The following WWOX variants were observed in gnomAD, a reference collection of about 807,000 sequenced individuals.
The protein encoded by WWOX is WW domain containing oxidoreductase.
In WWOX, 69 loss-of-function variants were observed where a neutral mutation model predicts 46.2. That is an observed-to-expected ratio of 1.49 (90% CI 1.23 to 1.82). WWOX has a LOEUF of 1.82. Among genes scored for constraint, WWOX ranks in the 40% most tolerant of loss-of-function variants. WWOX has a pLI of 0.00. For synonymous variants in WWOX, 359 were observed against 202.6 expected (o/e 1.77, Z -6.56); for missense variants, 919 against 542.6 (o/e 1.69, Z -6.89).
At chr16:78,648,970 C>T (rs2046905989) in intron 8 of WWOX, among the ~76,000 whole-genome samples, 1 of 151,752 alleles carries the variant, frequency 6.6e-6, no homozygotes, top group Non-Finnish European at 1.5e-5. Context: ...AATTAGTTTG[C>T]TTATTTATTT....
chr16:78,949,139 A>G (rs769828625), intron 8 of WWOX, among the ~76,000 whole-genome samples: 9 of 152,280 alleles, frequency 5.9e-5, no homozygotes, highest in Middle Eastern at 3.4e-3. Context: ...AATTCTGCCA[A>G]TAACCTGAAT....
chr16:79,122,641 T>C (rs1388189441), intron 8 of WWOX, among the ~76,000 whole-genome samples: 1 of 152,066 alleles, frequency 6.6e-6, no homozygotes, highest in Non-Finnish European at 1.5e-5. Flanking sequence ...CCCTTCCCTT[T>C]GTTTTCACGC....
At chr16:78,913,946 C>A (rs1447737920) in intron 8 of WWOX, among the ~76,000 whole-genome samples, 2 of 152,026 alleles carry the variant, frequency 1.3e-5, no homozygotes, top group African/African-American at 4.8e-5. Flanking sequence ...TAGACATGAT[C>A]CACTGCACGT....
chr16:79,150,847 C>T (rs75422219), intron 8 of WWOX, among the ~76,000 whole-genome samples: 2,063 of 152,120 alleles, frequency 0.014, 48 homozygotes, highest in African/African-American at 0.047. Flanking sequence ...GAAATCATTG[C>T]GTAGGCCACT....
chr16:78,269,667 A>G (rs2079436353), intron 5 of WWOX, among the ~76,000 whole-genome samples: 2 of 152,180 alleles, frequency 1.3e-5, no homozygotes, highest in Non-Finnish European at 2.9e-5. Flanking sequence ...TTTTGAATCA[A>G]TTTGCTCCTC....
intron 8 of WWOX, among the ~76,000 whole-genome samples, chr16:79,068,141 G>A (rs1389153551): frequency 1.3e-5 from 2 of 152,204 alleles, no homozygotes; most frequent in Non-Finnish European, 1.5e-5. Flanking sequence ...ATTTATGTTA[G>A]TGGAATCTGG....
chr16:78,706,832 T>G (rs1185837354), intron 8 of WWOX, among the ~76,000 whole-genome samples: 1 of 152,118 alleles, frequency 6.6e-6, no homozygotes, highest in African/African-American at 2.4e-5. Context: ...GATCTCACTT[T>G]ATCACCCAGT....
intron 5 of WWOX, among the ~76,000 whole-genome samples, chr16:78,212,357 A>T (rs553170232): frequency 2.0e-5 from 3 of 152,372 alleles, no homozygotes; most frequent in African/African-American, 7.2e-5. Flanking sequence ...GGCCATCCCC[A>T]AATTCAAAAG....
chr16:79,210,065 G>A (rs571548770), intron 8 of WWOX, among the ~76,000 whole-genome samples: 8 of 152,304 alleles, frequency 5.3e-5, no homozygotes, highest in African/African-American at 1.9e-4. Context: ...TTCAGGACCA[G>A]TGGAACTTGT....
intron 8 of WWOX, among the ~76,000 whole-genome samples, chr16:79,183,691 A>G (rs1042469105): frequency 6.6e-6 from 1 of 152,226 alleles, no homozygotes; most frequent in Non-Finnish European, 1.5e-5. Flanking sequence ...GTTTCAGCCC[A>G]TTTAATACCC....
intron 8 of WWOX, among the ~76,000 whole-genome samples, chr16:78,585,533 C>T (rs1445697031): frequency 6.6e-6 from 1 of 152,168 alleles, no homozygotes; most frequent in African/African-American, 2.4e-5. Flanking sequence ...CAGAGGGTCC[C>T]TCGGTATTGT....
At chr16:78,627,292 C>G (rs565666275) in intron 8 of WWOX, among the ~76,000 whole-genome samples, 3 of 152,174 alleles carry the variant, frequency 2.0e-5, no homozygotes, top group African/African-American at 2.4e-5. Context: ...GCCAACTAGT[C>G]TGGTCTTAAA....
At chr16:78,998,970 C>G (rs1297138594) in intron 8 of WWOX, among the ~76,000 whole-genome samples, 1 of 152,178 alleles carries the variant, frequency 6.6e-6, no homozygotes, top group East Asian at 1.9e-4. Context: ...TTGACAGATT[C>G]CAGGAAAGTC....
intron 8 of WWOX, among the ~76,000 whole-genome samples, chr16:78,990,339 C>T (rs1473606705): frequency 6.6e-6 from 1 of 152,148 alleles, no homozygotes; most frequent in African/African-American, 2.4e-5. Flanking sequence ...CAAGATCCTC[C>T]TTGTGCCTTG....
At chr16:78,805,118 A>C (rs2050995158) in intron 8 of WWOX, among the ~76,000 whole-genome samples, 1 of 151,168 alleles carries the variant, frequency 6.6e-6, no homozygotes, top group African/African-American at 2.4e-5. Context: ...TCACTACCAA[A>C]ATATCAAAAT....
At chr16:79,051,969 A>G (rs1217232312) in intron 8 of WWOX, among the ~76,000 whole-genome samples, 2 of 151,952 alleles carry the variant, frequency 1.3e-5, no homozygotes, top group African/African-American at 4.8e-5. Flanking sequence ...CTTTCTCAGC[A>G]TTCCACAAGT....
At chr16:78,401,820 C>G (rs935975536) in intron 6 of WWOX, among the ~76,000 whole-genome samples, 1 of 152,098 alleles carries the variant, frequency 6.6e-6, no homozygotes, top group Non-Finnish European at 1.5e-5. Context: ...CTGCCTCAGC[C>G]TACTGAGTAG....
chr16:78,099,898 C>G lies in WWOX; in HGVS notation c.107+13C>G. 2 of 1,555,094 alleles carry G rather than the reference C, an allele frequency of 1.3e-6. No homozygotes were observed. Among genetic ancestry groups the G allele is most frequent in the Non-Finnish European group, 1.7e-6 (2 of 1,150,098 alleles). ...TTTACTACGCCAAGTAAGGGGGCCG[C>G]AGTGGGGCCGCGGACGCACCTGGGA... On this transcript the variant is annotated intron_variant, in intron 1 of 8. Coordinates refer to ENST00000566780, the MANE Select transcript of WWOX (RefSeq NM_016373.4).
chr16:78,553,566 G>C (rs1223948839), intron 8 of WWOX, among the ~76,000 whole-genome samples: 1 of 152,118 alleles, frequency 6.6e-6, no homozygotes, highest in Non-Finnish European at 1.5e-5. Context: ...GAATCCGCTA[G>C]AGCCCTGTAA....
Sources: gnomAD v4.1 joint callset for allele counts (sites outside exome capture counted in the v4.1 genomes callset) on GRCh38, gnomAD v4.1.1 for gene constraint, MANE v1.5 for transcripts, NCBI Gene and HGNC (gene_info 2026-07-23, HGNC 2026-07-21) for gene names.